TLL1: variants seen among roughly 807,000 people sequenced by gnomAD.
The protein encoded by TLL1 is tolloid like 1.
TLL1 carries 49 observed loss-of-function variants against 128.2 expected under a neutral mutation model. The observed-to-expected ratio is 0.38, with a 90% CI of 0.30 to 0.48. TLL1 has a LOEUF of 0.48. Among genes scored for constraint, TLL1 ranks in the 20% least tolerant of loss-of-function variants. The pLI is 0.96. For synonymous variants in TLL1, 454 were observed against 418.8 expected (o/e 1.08, Z -1.03); for missense variants, 1,123 against 1,242.0 (o/e 0.90, Z 1.44).
intron 16 of TLL1, among the ~76,000 whole-genome samples, chr4:166,072,788 A>T (rs1190247344): frequency 6.6e-6 from 1 of 152,082 alleles, no homozygotes; most frequent in Admixed American, 6.6e-5. Context: ...ACATTGTTGT[A>T]TGTTTCATGC....
chr4:165,897,542 G>A (rs567263699), intron 1 of TLL1, among the ~76,000 whole-genome samples: 1 of 151,988 alleles, frequency 6.6e-6, no homozygotes, highest in South Asian at 2.1e-4. Context: ...TTGTAGATGT[G>A]TGGCATTATT....
chr4:165,921,337 GA>G (rs1733031542), intron 1 of TLL1, among the ~76,000 whole-genome samples: 1 of 152,142 alleles, frequency 6.6e-6, no homozygotes, highest in Admixed American at 6.5e-5. Context: ...GTTAAAGCAA[GA>G]AACAAAGTAA....
chr4:165,873,436 G>T lies in TLL1; in HGVS notation c.-469G>T, dbSNP rs12507039. On this transcript the variant is annotated 5_prime_UTR_variant, in exon 1 of 21. The change creates a new upstream start codon in the 5' untranslated region. Transcript: ENST00000061240. ...AGCTGCGGCGGCGGCTTTGGGCTCA[G>T]GCGGCGGCGGCTCGCGCTCGGCCGC... is the stretch of plus-strand genomic sequence containing the variant. 6.5e-6 allele frequency: 1 copy of T among 153,124 alleles called. No individual in the cohort carries two copies. Among genetic ancestry groups the T allele is most frequent in the Non-Finnish European group, 1.5e-5 (1 of 68,832 alleles). The allele number at this position is 153,124 out of a possible 1,614,324, so 9.5% of individuals were successfully genotyped here. A position where few individuals can be genotyped will look rare whatever the true frequency, so the allele number is the denominator to read the frequency against.
chr4:166,029,240 A>G (rs1473952512), intron 9 of TLL1, among the ~76,000 whole-genome samples: 1 of 151,982 alleles, frequency 6.6e-6, no homozygotes, highest in Non-Finnish European at 1.5e-5. Flanking sequence ...ACTCTCTACC[A>G]GCTTTCTTTC....
intron 5 of TLL1, among the ~76,000 whole-genome samples, chr4:165,997,397 C>G (rs1265780120): frequency 6.6e-6 from 1 of 152,090 alleles, no homozygotes; most frequent in South Asian, 2.1e-4. Flanking sequence ...CATTGAGAAC[C>G]TGCAAGGTAG....
chr4:165,994,794 T>C (rs927609299), intron 4 of TLL1, among the ~76,000 whole-genome samples: 2 of 152,176 alleles, frequency 1.3e-5, no homozygotes, highest in South Asian at 4.1e-4. Context: ...GAAGCTGATC[T>C]CTTTCAACTG....
At chr4:165,919,486 A>G (rs1002643433) in intron 1 of TLL1, among the ~76,000 whole-genome samples, 6 of 151,964 alleles carry the variant, frequency 3.9e-5, no homozygotes, top group African/African-American at 1.4e-4. Context: ...TATTATTACA[A>G]TTTTGTTGTT....
At chr4:165,890,131 G>A (rs920262174) in intron 1 of TLL1, among the ~76,000 whole-genome samples, 2 of 152,114 alleles carry the variant, frequency 1.3e-5, no homozygotes, top group Non-Finnish European at 2.9e-5. Context: ...TAGGTCTCAT[G>A]AGAACTCACT....
chr4:166,044,861 C>T (rs72697382), intron 12 of TLL1, among the ~76,000 whole-genome samples: 2 of 152,306 alleles, frequency 1.3e-5, no homozygotes, highest in African/African-American at 2.4e-5. Flanking sequence ...CTATTATAGA[C>T]ATGATGTCAG....
At chr4:165,899,534 G>T (rs946744573) in intron 1 of TLL1, among the ~76,000 whole-genome samples, 2 of 152,160 alleles carry the variant, frequency 1.3e-5, no homozygotes, top group Non-Finnish European at 1.5e-5. Context: ...GTGCGGTTTT[G>T]AGTGAGTTTC....
chr4:165,881,926 A>G (rs971475817), intron 1 of TLL1, among the ~76,000 whole-genome samples: 1 of 152,196 alleles, frequency 6.6e-6, no homozygotes, highest in African/African-American at 2.4e-5. Flanking sequence ...TTCACACTTT[A>G]AATTTACTCG....
intron 13 of TLL1, 130 bp from the exon 14 acceptor site, chr4:166,057,054 C>A: frequency 9.8e-7 from 1 of 1,024,678 alleles, no homozygotes; most frequent in Non-Finnish European, 1.5e-6. Flanking sequence ...CCAGGTCCCT[C>A]TCATGACACG....
rs1279448258 is a variant in TLL1 at position 165,874,018 on chromosome 4, T to A, written c.114T>A (p.Asp38Glu). 1 of 1,614,116 alleles carries A rather than the reference T, an allele frequency of 6.2e-7. No individual in the cohort carries two copies. Among genetic ancestry groups the A allele is most frequent in the Admixed American group, 1.7e-5 (1 of 60,026 alleles). ...CAGLDYDYTF[D>E]GNEEDKTETI... is the part of the protein sequence containing the mutation. ...GCCTCGATTATGATTACACTTTTGA[T>A]GGGAACGAAGAGGATAAAACAGAGA... is the stretch of plus-strand genomic sequence containing the variant. The change falls in exon 1 of 21, where the codon GAT becomes GAA. Residue 38 changes from aspartate to glutamate, a missense_variant. Transcript: ENST00000061240.
At chr4:166,038,700 A>G (rs1348116358) in intron 9 of TLL1, among the ~76,000 whole-genome samples, 2 of 152,212 alleles carry the variant, frequency 1.3e-5, no homozygotes, top group Non-Finnish European at 2.9e-5. Flanking sequence ...AGCACAGAAT[A>G]AGGGTCATGT....
chr4:165,935,757 C>G (rs1399928256), intron 1 of TLL1, among the ~76,000 whole-genome samples: 1 of 152,162 alleles, frequency 6.6e-6, no homozygotes, highest in African/African-American at 2.4e-5. Flanking sequence ...TCTTTTAAGT[C>G]TTTTAATCTA....
intron 1 of TLL1, among the ~76,000 whole-genome samples, chr4:165,919,585 A>T (rs1732943922): frequency 6.6e-6 from 1 of 152,108 alleles, no homozygotes; most frequent in African/African-American, 2.4e-5. Flanking sequence ...GAGTTGTAAT[A>T]TTATCACGCC....
intron 1 of TLL1, among the ~76,000 whole-genome samples, chr4:165,956,379 A>G (rs1022505350): frequency 6.6e-6 from 1 of 152,154 alleles, no homozygotes; most frequent in African/African-American, 2.4e-5. Flanking sequence ...CAACCACGTA[A>G]GACAGACATT....
chr4:166,042,281 C>T (rs1296697846), intron 11 of TLL1, 138 bp downstream of exon 11: 8 of 636,580 alleles, frequency 1.3e-5, no homozygotes, highest in Non-Finnish European at 2.3e-5. Flanking sequence ...AATATTCATA[C>T]AGATAATTTT....
chr4:166,092,340 CTG>C (rs1741813647), intron 19 of TLL1, among the ~76,000 whole-genome samples: 1 of 151,822 alleles, frequency 6.6e-6, no homozygotes, highest in South Asian at 2.1e-4. Flanking sequence ...ATATTGAAGT[CTG>C]TGATAAAGAT....
Sources: allele counts gnomAD v4.1 joint callset (sites outside exome capture counted in the v4.1 genomes callset), GRCh38; gene constraint gnomAD v4.1.1; transcripts MANE v1.5; gene names NCBI Gene and HGNC (gene_info 2026-07-23, HGNC 2026-07-21).